The following CDH18 variants were observed in gnomAD, a reference collection of about 807,000 sequenced individuals.
The protein encoded by CDH18 is cadherin 18, also known as cadherin-18.
CDH18 carries 31 observed loss-of-function variants against 67.9 expected under a neutral mutation model. That is an observed-to-expected ratio of 0.46 (90% CI 0.34 to 0.62). The LOEUF (loss-of-function observed/expected upper bound fraction) is 0.62. Ranked by LOEUF, CDH18 falls within the 20% of genes least tolerant of loss-of-function variation. The pLI is 0.01. For missense variants in CDH18, 890 were observed against 975.5 expected, an observed-to-expected ratio of 0.91 and a Z score of 1.17; for synonymous variants, 362 against 347.2, an observed-to-expected ratio of 1.04 and a Z score of -0.48.
At chr5:19,893,753 T>C (rs1270784137) in intron 2 of CDH18, among the ~76,000 whole-genome samples, 1 of 152,106 alleles carries the variant, frequency 6.6e-6, no homozygotes. Context: ...TCAGCACTTG[T>C]TGTTTGTTAT....
At chr5:19,500,062 A>C (rs1310421908) in intron 11 of CDH18, among the ~76,000 whole-genome samples, 1 of 150,660 alleles carries the variant, frequency 6.6e-6, no homozygotes, top group Non-Finnish European at 1.5e-5. Context: ...AAAATGATAA[A>C]TTTTCTTCTA....
At chr5:19,943,878 A>C (rs1795060777) in intron 2 of CDH18, among the ~76,000 whole-genome samples, 1 of 152,144 alleles carries the variant, frequency 6.6e-6, no homozygotes, top group Non-Finnish European at 1.5e-5. Context: ...TAAATTCTAA[A>C]AGCAATGAAA....
intron 2 of CDH18, among the ~76,000 whole-genome samples, chr5:20,159,161 TTGTC>T (rs1302689063): frequency 6.6e-6 from 1 of 152,164 alleles, no homozygotes; most frequent in Admixed American, 6.6e-5. Context: ...AATCTTTAGT[TTGTC>T]TGTTTTCCAC....
chr5:19,505,730 T>C (rs1252894835), intron 10 of CDH18, among the ~76,000 whole-genome samples: 1 of 152,164 alleles, frequency 6.6e-6, no homozygotes, highest in Non-Finnish European at 1.5e-5. Context: ...CAGTATTTTA[T>C]TGAGGATTTT....
intron 11 of CDH18, among the ~76,000 whole-genome samples, chr5:19,487,755 G>A (rs1258617767): frequency 1.3e-5 from 2 of 152,006 alleles, no homozygotes; most frequent in African/African-American, 4.8e-5. Context: ...ATGAAGCAGG[G>A]AGGTTTTCAC....
chr5:20,033,680 C>A (rs1457955938), intron 2 of CDH18, among the ~76,000 whole-genome samples: 6 of 151,942 alleles, frequency 3.9e-5, no homozygotes, highest in Non-Finnish European at 1.5e-5. Flanking sequence ...CATTTACAAC[C>A]AGGTTCTCTA....
intron 2 of CDH18, among the ~76,000 whole-genome samples, chr5:20,071,335 A>G (rs1023907089): frequency 6.6e-6 from 1 of 151,914 alleles, no homozygotes; most frequent in Non-Finnish European, 1.5e-5. Flanking sequence ...AGAGTGCTAA[A>G]CTCCCCCCAA....
rs891777203 is a variant in CDH18, at chr5:20,239,769, T to C, written c.-518+15675A>G. Among the ~76,000 whole-genome samples the C allele has an allele frequency of 2.5e-4, 38 of 152,292 alleles. No individual in the cohort carries two copies. The Middle Eastern group carries it at 0.01, about 41-fold the overall frequency. Reference sequence around the variant, plus strand: ...GAAGATGCTTGACAATCTTTCAAAATGTATCTTTATCTTCTATTAACTTCT... The same window carrying C: ...GAAGATGCTTGACAATCTTTCAAAACGTATCTTTATCTTCTATTAACTTCT... On this transcript the variant is annotated intron_variant, in intron 2 of 14. Transcript: ENST00000507958.
rs547649570 is a variant in CDH18 at position 20,312,116 on chromosome 5, G to A, written c.-579-56611C>T. 7.9e-5 allele frequency among the ~76,000 whole-genome samples: 12 copies of A among 152,204 alleles called. No homozygotes were observed. In the South Asian group the frequency reaches 2.5e-3, roughly 32 times the overall value. ...TCTTTTTCCCTCTGTCACAGCAACT[G>A]TCAACTCACAAGATAATGGCTGCTT... On this transcript the variant is annotated intron_variant, in intron 1 of 14. Coordinates refer to the CDH18 transcript ENST00000507958.
intron 1 of CDH18, among the ~76,000 whole-genome samples, chr5:20,321,088 A>G (rs1212111773): frequency 6.6e-6 from 1 of 152,162 alleles, no homozygotes; most frequent in Non-Finnish European, 1.5e-5. Flanking sequence ...CTGGAAATAC[A>G]AAACATACTT....
chr5:19,729,227 T>C (rs1176361878), intron 4 of CDH18, among the ~76,000 whole-genome samples: 2 of 150,638 alleles, frequency 1.3e-5, no homozygotes, highest in Admixed American at 6.6e-5. Flanking sequence ...AGGGAAATAA[T>C]AGGTATTAAG....
chr5:20,358,611 A>G (rs1356764721), intron 1 of CDH18, among the ~76,000 whole-genome samples: 1 of 152,180 alleles, frequency 6.6e-6, no homozygotes, highest in Non-Finnish European at 1.5e-5. Context: ...CTCAGAAGAC[A>G]CTCAGAAATA....
chr5:19,690,744 C>G (rs1242962551), intron 5 of CDH18, among the ~76,000 whole-genome samples: 2 of 150,950 alleles, frequency 1.3e-5, no homozygotes, highest in East Asian at 3.9e-4. Flanking sequence ...AATAGAAAAC[C>G]AGAACAGGCC....
intron 10 of CDH18, 58 bp from the exon 11 acceptor site, chr5:19,503,167 A>G: frequency 1.2e-6 from 1 of 817,916 alleles, no homozygotes; most frequent in Non-Finnish European, 2.1e-6. Context: ...TCTTGATTTT[A>G]ATTACACTGT....
chr5:19,823,445 T>C (rs1362037438), intron 3 of CDH18, among the ~76,000 whole-genome samples: 1 of 152,214 alleles, frequency 6.6e-6, no homozygotes, highest in African/African-American at 2.4e-5. Context: ...GAAATCTTCA[T>C]AATCCACATT....
rs1736075363 is a variant in CDH18, at chr5:20,302,925, G to GA, written c.-579-47421dup. 2.6e-5 allele frequency among the ~76,000 whole-genome samples: 4 copies of GA among 152,168 alleles called. No individual in the cohort carries two copies. In the South Asian group the frequency reaches 8.3e-4, roughly 32 times the overall value. ...TCGTGTTAGTTACCTGACAGCTCTGGAGAAGTGACATGGATATTCGTGTGC... is the reference window on the plus strand; with the variant it reads ...TCGTGTTAGTTACCTGACAGCTCTGGAAGAAGTGACATGGATATTCGTGTGC... On this transcript the variant is annotated intron_variant, in intron 1 of 14. Coordinates refer to the CDH18 transcript ENST00000507958.
chr5:19,604,154 T>C (rs1172423159), intron 6 of CDH18, among the ~76,000 whole-genome samples: 1 of 152,068 alleles, frequency 6.6e-6, no homozygotes, highest in Non-Finnish European at 1.5e-5. Context: ...TCCCTTTTAA[T>C]ATACTTTCTT....
intron 2 of CDH18, among the ~76,000 whole-genome samples, chr5:20,185,865 AT>A (rs78069861): frequency 0.014 from 2,058 of 150,922 alleles, 46 homozygotes; most frequent in African/African-American, 0.046. Context: ...AAATTTATCT[AT>A]TTTTTTTTCC....
intron 1 of CDH18, among the ~76,000 whole-genome samples, chr5:20,270,015 T>A (rs1337369345): frequency 6.6e-6 from 1 of 152,102 alleles, no homozygotes; most frequent in East Asian, 1.9e-4. Flanking sequence ...AACTGGATCA[T>A]GAGGAACCAC....
Sources: allele counts gnomAD v4.1 joint callset (sites outside exome capture counted in the v4.1 genomes callset), GRCh38; gene constraint gnomAD v4.1.1; transcripts MANE v1.5; gene names NCBI Gene and HGNC (gene_info 2026-07-23, HGNC 2026-07-21).